LARGE1: variants seen among roughly 807,000 people sequenced by gnomAD.
LARGE1 encodes xylosyl- and glucuronyltransferase LARGE1.
Under a neutral mutation model 87.6 loss-of-function variants are expected in LARGE1, and 43 were observed. The ratio of observed to expected loss-of-function variants is 0.49; its 90% CI spans 0.38 to 0.63. LARGE1 has a LOEUF of 0.63. Ranked by LOEUF, LARGE1 falls within the 30% of genes least tolerant of loss-of-function variation. The probability of loss-of-function intolerance (pLI) is 0.00; values close to 1 mark genes in which losing one functional copy is unlikely to be tolerated. For synonymous variants in LARGE1, 434 were observed against 394.6 expected, an observed-to-expected ratio of 1.10 and a Z score of -1.18; for missense variants, 802 against 1,000.2, an observed-to-expected ratio of 0.80 and a Z score of 2.67.
At position 33,882,128 on chromosome 22, in the gene LARGE1, C is replaced by T. The variant is rs192867664; in HGVS notation, c.-83+37867G>A. Among the ~76,000 whole-genome samples, 574 of 151,654 alleles carry T rather than the reference C, an allele frequency of 3.8e-3. 16 individuals are homozygous for T. The highest frequency in any genetic ancestry group is 0.032 in the Admixed American group (494 of 15,246). On this transcript the variant is annotated intron_variant, in intron 1 of 14. Transcript: ENST00000397394. ...CACGATCTCGGCTCACCGCAAGCTC[C>T]GCCTCCCGGGTTCACACCATTCTCC...
chr22:33,470,617 T>C (rs2068790529), intron 6 of LARGE1, among the ~76,000 whole-genome samples: 2 of 152,192 alleles, frequency 1.3e-5, no homozygotes, highest in Admixed American at 6.5e-5. Context: ...ATGCTCTCCC[T>C]CACCTCCCCG....
At chr22:33,467,998 C>A (rs147353471) in intron 6 of LARGE1, among the ~76,000 whole-genome samples, 10 of 152,222 alleles carry the variant, frequency 6.6e-5, no homozygotes, top group Non-Finnish European at 8.8e-5. Context: ...GCAAATCTTG[C>A]TAGCTGTGGC....
chr22:33,712,569 G>T (rs2072506026), intron 2 of LARGE1, among the ~76,000 whole-genome samples: 1 of 151,824 alleles, frequency 6.6e-6, no homozygotes. Context: ...AGAGACGAAA[G>T]AAATGGGTAG....
chr22:33,442,039 T>C (rs2067498756), intron 6 of LARGE1, among the ~76,000 whole-genome samples: 1 of 152,218 alleles, frequency 6.6e-6, no homozygotes, highest in Non-Finnish European at 1.5e-5. Context: ...GGATAATCCC[T>C]TCTGAGAGCA....
At chr22:33,675,599 T>A (rs2081556443) in intron 2 of LARGE1, among the ~76,000 whole-genome samples, 1 of 152,152 alleles carries the variant, frequency 6.6e-6, no homozygotes, top group African/African-American at 2.4e-5. Context: ...GATCCAGCGA[T>A]GAGCTGCCTG....
intron 12 of LARGE1, among the ~76,000 whole-genome samples, chr22:33,297,979 C>CAAAA (rs757656914): frequency 9.6e-4 from 47 of 48,778 alleles, no homozygotes; most frequent in African/African-American, 2.8e-3. Context: ...GACATCATCT[C>CAAAA]AAAAAAAAAA....
chr22:33,890,696 G>C (rs559435336), intron 1 of LARGE1, among the ~76,000 whole-genome samples: 20 of 144,062 alleles, frequency 1.4e-4, no homozygotes, highest in African/African-American at 4.9e-4. Context: ...AAAATTCTCA[G>C]ATCTATTCAA....
chr22:33,220,527 C>A (rs950734427), intron 11 of LARGE1, among the ~76,000 whole-genome samples: 1 of 152,162 alleles, frequency 6.6e-6, no homozygotes, highest in East Asian at 1.9e-4. Context: ...TAGATTCTAC[C>A]TCCCTCCTTT....
intron 5 of LARGE1, among the ~76,000 whole-genome samples, chr22:33,572,953 C>T (rs924562619): frequency 1.4e-4 from 22 of 152,170 alleles, no homozygotes; most frequent in African/African-American, 5.3e-4. Flanking sequence ...TGAATACTGG[C>T]TCCATCATTC....
rs750893777 is a variant in LARGE1 at position 33,650,322 on chromosome 22, C to T, written c.408+45G>A. On this transcript the variant is annotated intron_variant, in intron 3 of 14. Coordinates refer to ENST00000397394, the MANE Select transcript of LARGE1 (RefSeq NM_133642.5). ...GGCATTTGCAAGGGGTGAGGGCAAT[C>T]GGGACTTTGGACAACTTCCTCCCCA... 9 of 1,610,902 alleles carry T rather than the reference C, an allele frequency of 5.6e-6. No homozygotes were observed. The South Asian group carries it at 6.6e-5, about 12-fold the overall frequency.
intron 12 of LARGE1, among the ~76,000 whole-genome samples, chr22:33,288,764 G>A (rs1932002878): frequency 1.3e-5 from 2 of 152,068 alleles, no homozygotes; most frequent in Non-Finnish European, 2.9e-5. Flanking sequence ...TTCTTGGACT[G>A]CCACTCTGTT....
In LARGE1 at chr22:33,351,332, T is replaced by G. The variant is rs531206927; in HGVS notation, c.1132-13531A>C. On this transcript the variant is annotated intron_variant, in intron 9 of 14. Coordinates refer to ENST00000397394, the MANE Select transcript of LARGE1 (RefSeq NM_133642.5). ...TGTAGCTGCATCAATGCAGAAGGCA[T>G]GATATGGTGGCATGGCGCTCTCAAA... 7.2e-5 allele frequency among the ~76,000 whole-genome samples: 11 copies of G among 152,362 alleles called. No individual in the cohort carries two copies. In the East Asian group the frequency reaches 1.7e-3, roughly 24 times the overall value.
At chr22:33,563,692 A>G (rs1448647720) in intron 6 of LARGE1, among the ~76,000 whole-genome samples, 2 of 152,228 alleles carry the variant, frequency 1.3e-5, no homozygotes, top group Middle Eastern at 3.2e-3. Flanking sequence ...CACACGTTCT[A>G]TGAAGATTAG....
At chr22:33,810,940 T>C (rs1021629889) in intron 1 of LARGE1, among the ~76,000 whole-genome samples, 3 of 152,250 alleles carry the variant, frequency 2.0e-5, no homozygotes, top group African/African-American at 7.2e-5. Context: ...GCCAGGATGA[T>C]CTCGATCTCC....
chr22:33,560,357 C>A (rs904440238), intron 6 of LARGE1, among the ~76,000 whole-genome samples: 5 of 152,242 alleles, frequency 3.3e-5, no homozygotes, highest in African/African-American at 1.2e-4. Flanking sequence ...GGCACATCTG[C>A]GGTGCCGTGA....
At position 33,533,889 on chromosome 22, in the gene LARGE1, GT is replaced by G. The variant is rs797001822; in HGVS notation, c.787+30958del. 5.7e-4 allele frequency among the ~76,000 whole-genome samples: 81 copies of G among 140,994 alleles called. No homozygotes were observed. The Middle Eastern group carries it at 0.011, about 19-fold the overall frequency. 92.5% of individuals were successfully genotyped at this position (140,994 alleles called of 152,430 possible). A position where few individuals can be genotyped will look rare whatever the true frequency, so the allele number is the denominator to read the frequency against. On this transcript the variant is annotated intron_variant, in intron 6 of 14. Coordinates refer to ENST00000397394, the MANE Select transcript of LARGE1 (RefSeq NM_133642.5). ...ATCTTTCTTAGGACATTAATTTCAG[GT>G]TTTTTTTTTTTGGACGTTTTCCGCT...
At chr22:33,534,232 G>A (rs1043620876) in intron 6 of LARGE1, among the ~76,000 whole-genome samples, 3 of 152,022 alleles carry the variant, frequency 2.0e-5, no homozygotes, top group Admixed American at 1.3e-4. Context: ...GTGAAACCCT[G>A]TCTCTACTAA....
chr22:33,435,960 T>C (rs1467585911), intron 6 of LARGE1, among the ~76,000 whole-genome samples: 2 of 152,208 alleles, frequency 1.3e-5, no homozygotes, highest in Admixed American at 6.5e-5. Flanking sequence ...AGCTGCCATA[T>C]CAATGATCAA....
At chr22:33,282,530 G>A (rs1482585549) in intron 13 of LARGE1, among the ~76,000 whole-genome samples, 3 of 152,142 alleles carry the variant, frequency 2.0e-5, no homozygotes, top group South Asian at 2.1e-4. Flanking sequence ...GCTCCTGTGC[G>A]GTGGCACAGA....
Sources: gnomAD v4.1 joint callset for allele counts (sites outside exome capture counted in the v4.1 genomes callset) on GRCh38, gnomAD v4.1.1 for gene constraint, MANE v1.5 for transcripts, NCBI Gene and HGNC (gene_info 2026-07-23, HGNC 2026-07-21) for gene names.